Variants in TRPS1 observed in about 807,000 individuals in gnomAD.
TRPS1 encodes zinc finger transcription factor Trps1.
Under a neutral mutation model 101.2 loss-of-function variants are expected in TRPS1, and 6 were observed. That is an observed-to-expected ratio of 0.06 (90% confidence interval 0.03 to 0.12). The LOEUF (loss-of-function observed/expected upper bound fraction) is 0.12. Among genes scored for constraint, TRPS1 ranks in the 10% least tolerant of loss-of-function variants. The pLI is 1.00. For synonymous variants in TRPS1, 578 were observed against 589.8 expected, an observed-to-expected ratio of 0.98 and a Z score of 0.29; for missense variants, 1,363 against 1,567.0, an observed-to-expected ratio of 0.87 and a Z score of 2.20.
chr8:115,619,947 A>C lies in TRPS1; in HGVS notation c.151T>G (p.Ser51Ala). ...SKVSGKNKEF[S>A]ADQMSENTDQ... Reference sequence around the variant, plus strand: ...GTATTTTCTGACATCTGATCTGCAGAAAATTCTTTGTTCTTTCCAGATACC... The same window carrying C: ...GTATTTTCTGACATCTGATCTGCAGCAAATTCTTTGTTCTTTCCAGATACC... The change falls in exon 3 of 7, where the codon TCT becomes GCT. Residue 51 changes from serine to alanine, a missense_variant. By Grantham distance (99) the Ser-to-Ala change is moderately conservative. This residue lies in a region of TRPS1 where 1,020 missense variants were observed against 1,073.0 expected (regional missense o/e 0.95). Coordinates refer to ENST00000395715, the MANE Select transcript of TRPS1 (RefSeq NM_014112.5). 6.2e-7 allele frequency: 1 copy of C among 1,614,208 alleles called. No homozygotes were observed. Among genetic ancestry groups the C allele is most frequent in the Non-Finnish European group, 8.5e-7 (1 of 1,180,042 alleles).
chr8:115,566,541 TG>T (rs1817071655), intron 5 of TRPS1, among the ~76,000 whole-genome samples: 1 of 152,050 alleles, frequency 6.6e-6, no homozygotes, highest in South Asian at 2.1e-4. Context: ...TCTTTTTTTT[TG>T]TAGCCAGCTG....
In TRPS1 at chr8:115,554,763, T is replaced by G. The variant is rs371917255; in HGVS notation, c.2700+32238A>C. On this transcript the variant is annotated intron_variant, in intron 5 of 6. Coordinates refer to ENST00000395715, the MANE Select transcript of TRPS1 (RefSeq NM_014112.5). ...GAAGAGATAAGGCTTCCAAACAGAT[T>G]AGAAAAGGGGGCAAGTCAATGGAGT... Among the ~76,000 whole-genome samples, 51 of 152,102 alleles carry G rather than the reference T, an allele frequency of 3.4e-4. 2 individuals carry two copies. The highest frequency in any genetic ancestry group is 1.1e-3 in the African/African-American group (46 of 41,492).
Position 115,447,614 on chromosome 8 carries a change from T to G in TRPS1, c.2701-29162A>C, listed in dbSNP as rs920234631. ...GAATTAAATCAGCCTAGTTTCTTTT[T>G]GGAGGAAAAAACTTCAGTTACACTT... On this transcript the variant is annotated intron_variant, in intron 5 of 6. Transcript: ENST00000395715. Among the ~76,000 whole-genome samples the G allele has an allele frequency of 2.0e-5, 3 of 152,228 alleles. No individual in the cohort carries two copies. In the East Asian group the frequency reaches 5.8e-4, roughly 29 times the overall value.
At chr8:115,523,218 G>A (rs1183984365) in intron 5 of TRPS1, among the ~76,000 whole-genome samples, 1 of 152,098 alleles carries the variant, frequency 6.6e-6, no homozygotes, top group Non-Finnish European at 1.5e-5. Flanking sequence ...GGAAAGGCAA[G>A]AGGCTTAAAA....
chr8:115,631,657 GGA>G (rs1818645270), intron 1 of TRPS1, among the ~76,000 whole-genome samples: 1 of 148,012 alleles, frequency 6.8e-6, no homozygotes, highest in African/African-American at 2.7e-5. Flanking sequence ...ATGGATGGAT[GGA>G]TGGATGGATG....
intron 5 of TRPS1, among the ~76,000 whole-genome samples, chr8:115,548,783 A>G (rs1003344158): frequency 6.6e-6 from 1 of 152,276 alleles, no homozygotes; most frequent in African/African-American, 2.4e-5. Context: ...TAAAAGAATT[A>G]GTAAAGGATG....
intron 1 of TRPS1, among the ~76,000 whole-genome samples, chr8:115,628,346 T>C (rs1818555506): frequency 6.6e-6 from 1 of 151,774 alleles, no homozygotes; most frequent in Non-Finnish European, 1.5e-5. Context: ...TGGTACAAAA[T>C]ACAAAATTTG....
intron 1 of TRPS1, among the ~76,000 whole-genome samples, chr8:115,650,895 A>T (rs776388515): frequency 8.5e-5 from 13 of 152,278 alleles, no homozygotes; most frequent in Admixed American, 2.6e-4. Context: ...ATCAATATTC[A>T]TGTTAGATCT....
chr8:115,497,681 A>G (rs1019464793), intron 5 of TRPS1, among the ~76,000 whole-genome samples: 2 of 152,172 alleles, frequency 1.3e-5, no homozygotes, highest in Admixed American at 1.3e-4. Flanking sequence ...AGCTTTTCTG[A>G]TTCATGCTGC....
chr8:115,414,251 A>G lies in TRPS1; in HGVS notation c.3657T>C (p.Asp1219=). Residue 1219 remains aspartate, a synonymous_variant, in exon 7 of 7, where the codon GAT becomes GAC. Coordinates refer to ENST00000395715, the MANE Select transcript of TRPS1 (RefSeq NM_014112.5). The surrounding 1 kb of genome is among the most constrained non-coding windows in gnomAD (Gnocchi z 4.8). ...TTGAAAGTTCATCTTGAGTACTTCTATCAACTTTCTCTGTTTTTACTACAT... is the reference window on the plus strand; with the variant it reads ...TTGAAAGTTCATCTTGAGTACTTCTGTCAACTTTCTCTGTTTTTACTACAT... ...PLNVVKTEKV[D]RSTQDELSTK... 2 of 1,613,990 alleles carry G rather than the reference A, an allele frequency of 1.2e-6. No individual in the cohort carries two copies. Among genetic ancestry groups the G allele is most frequent in the East Asian group, 2.2e-5 (1 of 44,868 alleles).
At chr8:115,426,437 G>C (rs1361941063) in intron 5 of TRPS1, among the ~76,000 whole-genome samples, 1 of 152,064 alleles carries the variant, frequency 6.6e-6, no homozygotes, top group East Asian at 1.9e-4. Context: ...TTTAATTAGA[G>C]AGTCAGATAC....
Position 115,476,005 on chromosome 8 carries a change from C to CTTT in TRPS1, c.2701-57556_2701-57554dup, listed in dbSNP as rs1169514340. Among the ~76,000 whole-genome samples, 149 of 40,672 alleles carry CTTT rather than the reference C, an allele frequency of 3.7e-3. 28 individuals are homozygous for CTTT. Among genetic ancestry groups the CTTT allele is most frequent in the East Asian group, 7.5e-3 (6 of 802 alleles). 26.7% of individuals were successfully genotyped at this position (40,672 alleles called of 152,430 possible). On this transcript the variant is annotated intron_variant, in intron 5 of 6. Coordinates refer to ENST00000395715, the MANE Select transcript of TRPS1 (RefSeq NM_014112.5). ...AAGAGGTGTTCAGAAAATATACTTT[C>CTTT]TTTTTTTTTTTTTTTTTTTTTTTTT... is the stretch of plus-strand genomic sequence containing the variant.
intron 5 of TRPS1, among the ~76,000 whole-genome samples, chr8:115,522,322 GAT>G (rs1815885713): frequency 6.6e-6 from 1 of 151,898 alleles, no homozygotes; most frequent in Non-Finnish European, 1.5e-5. Flanking sequence ...ATAAATGATA[GAT>G]ATATCTCAAA....
chr8:115,637,097 GAAGT>G (rs1021972077), intron 1 of TRPS1: 1 of 225,118 alleles, frequency 4.4e-6, no homozygotes, highest in African/African-American at 2.4e-5. Context: ...TCCTGAGAGA[GAAGT>G]AAGAATTGCA....
At chr8:115,415,823 C>T (rs1812906336) in intron 6 of TRPS1, among the ~76,000 whole-genome samples, 1 of 152,140 alleles carries the variant, frequency 6.6e-6, no homozygotes, top group Non-Finnish European at 1.5e-5. Context: ...TTTAAAGCTG[C>T]TCAGTTTATG....
intron 3 of TRPS1, among the ~76,000 whole-genome samples, chr8:115,609,173 G>C (rs1818106687): frequency 6.6e-6 from 1 of 152,104 alleles, no homozygotes; most frequent in African/African-American, 2.4e-5. Flanking sequence ...CATTTTGTTA[G>C]GGAATACCAT....
chr8:115,583,170 T>A (rs2130432923), intron 5 of TRPS1, among the ~76,000 whole-genome samples: 1 of 152,220 alleles, frequency 6.6e-6, no homozygotes, highest in East Asian at 1.9e-4. Context: ...ATTACAAAAA[T>A]AAAATCCAGA....
At chr8:115,489,420 G>C (rs151266519) in intron 5 of TRPS1, among the ~76,000 whole-genome samples, 1 of 152,024 alleles carries the variant, frequency 6.6e-6, no homozygotes, top group Admixed American at 6.6e-5. Flanking sequence ...AGAATTTTTC[G>C]TGCAGTATGA....
intron 5 of TRPS1, among the ~76,000 whole-genome samples, chr8:115,535,276 CATATATAGCAT>C (rs1309154017): frequency 9.0e-6 from 1 of 111,260 alleles, no homozygotes; most frequent in Non-Finnish European, 1.9e-5. Context: ...ATATATATAG[CATATATAGCAT>C]ATATATAGCA....
Sources: allele counts gnomAD v4.1 joint callset (sites outside exome capture counted in the v4.1 genomes callset), GRCh38; gene constraint gnomAD v4.1.1; regional missense constraint gnomAD v4.1.1; non-coding constraint Gnocchi (gnomAD v3.1); transcripts MANE v1.5; gene names NCBI Gene and HGNC (gene_info 2026-07-23, HGNC 2026-07-21).